Variants in ZNF789 observed in about 807,000 individuals in gnomAD.
The protein encoded by ZNF789 is zinc finger protein 789.
A neutral mutation model predicts 15.6 loss-of-function variants in ZNF789; 11 were observed. That is an observed-to-expected ratio of 0.70 (90% CI 0.44 to 1.16). The LOEUF (loss-of-function observed/expected upper bound fraction) is 1.16, where lower values mean the gene tolerates loss of function less well. Among genes scored for constraint, ZNF789 ranks in the 50% most tolerant of loss-of-function variants. The pLI, the probability that ZNF789 is intolerant of heterozygous loss-of-function variation, is 0.00. For synonymous variants in ZNF789, 159 were observed against 176.0 expected, an observed-to-expected ratio of 0.90 and a Z score of 0.76; for missense variants, 461 against 512.6, an observed-to-expected ratio of 0.90 and a Z score of 0.97.
intron 3 of ZNF789, chr7:99,481,946 T>C (rs1799654073): frequency 1.8e-6 from 1 of 559,086 alleles, no homozygotes; most frequent in African/African-American, 1.9e-5. Flanking sequence ...AGTCCGTCTA[T>C]GTGTCTATTA....
Position 99,476,494 on chromosome 7 carries a change from C to T in ZNF789, c.24+14C>T. ...GCCAGGGGGAAGGTGAGCTGTGCCT[C>T]CCCCTCTGCTTCATCAGCATAGTCA... On this transcript the variant is annotated intron_variant, in intron 2 of 4. Transcript: ENST00000331410. 3 of 1,611,134 alleles carry T rather than the reference C, an allele frequency of 1.9e-6. No homozygotes were observed. The highest frequency in any genetic ancestry group is 2.5e-6 in the Non-Finnish European group (3 of 1,179,048).
chr7:99,483,400 C>G (rs1056735089), intron 3 of ZNF789, among the ~76,000 whole-genome samples: 2 of 151,928 alleles, frequency 1.3e-5, no homozygotes. Context: ...GAGGCCAAGG[C>G]GGGTGGATCA....
chr7:99,484,644 AC>A (rs2151069934), intron 4 of ZNF789, among the ~76,000 whole-genome samples: 1 of 151,294 alleles, frequency 6.6e-6, no homozygotes, highest in East Asian at 2.0e-4. Context: ...TATATATCAC[AC>A]AGGCCTGGTA....
chr7:99,479,563 A>T, intron 2 of ZNF789, 98 bp from the exon 3 acceptor site: 1 of 1,433,312 alleles, frequency 7.0e-7, no homozygotes, highest in South Asian at 1.5e-5. Flanking sequence ...CTTGGCCCAC[A>T]CTCTACCTCC....
At chr7:99,484,193 G>C in intron 4 of ZNF789, 50 bp downstream of exon 4, 3 of 1,477,428 alleles carry the variant, frequency 2.0e-6, no homozygotes, top group Non-Finnish European at 1.9e-6. Context: ...AGGAAGGGAA[G>C]GCATGTTAGT....
chr7:99,485,542 TG>T (rs1464611837), intron 4 of ZNF789, among the ~76,000 whole-genome samples: 1 of 152,200 alleles, frequency 6.6e-6, no homozygotes. Flanking sequence ...ATTAAAAACG[TG>T]TATCTAGGCC....
intron 4 of ZNF789, 55 bp downstream of exon 4, chr7:99,484,198 G>A (rs1366577181): frequency 5.7e-6 from 8 of 1,408,534 alleles, no homozygotes; most frequent in Non-Finnish European, 8.0e-6. Context: ...GGGAAGGCAT[G>A]TTAGTGAAGC....
At position 99,487,388 on chromosome 7, in the gene ZNF789, G is replaced by T. The variant is rs770399614; in HGVS notation, c.1178G>T (p.Gly393Val). Residue 393 changes from glycine to valine, a missense_variant, in exon 5 of 5, where the codon GGA becomes GTA. Coordinates refer to ENST00000331410, the MANE Select transcript of ZNF789 (RefSeq NM_213603.3). ...NLFRHQVIHT[G>V]SQPYQCVICG... ...TTTCGACATCAGGTCATTCACACTG[G>T]AAGCCAACCCTACCAATGTGTCATA... is the stretch of plus-strand genomic sequence containing the variant. 1 of 1,614,208 alleles carries T rather than the reference G, an allele frequency of 6.2e-7. No individual in the cohort carries two copies. The highest frequency in any genetic ancestry group is 8.5e-7 in the Non-Finnish European group (1 of 1,180,042).
chr7:99,475,229 C>T (rs771271128), intron 1 of ZNF789, among the ~76,000 whole-genome samples: 4 of 151,934 alleles, frequency 2.6e-5, no homozygotes, highest in Non-Finnish European at 5.9e-5. Flanking sequence ...CCCATCTCAA[C>T]TAAAAATACA....
Position 99,487,456 on chromosome 7 carries a change from C to T in ZNF789, c.1246C>T (p.Gln416Ter), listed in dbSNP as rs751760322. 6.2e-6 allele frequency: 10 copies of T among 1,613,946 alleles called. No individual in the cohort carries two copies. The highest frequency in any genetic ancestry group is 6.8e-6 in the Non-Finnish European group (8 of 1,179,914). The change falls in exon 5 of 5, where the codon CAG becomes TAG. Residue 416 changes from glutamine (Q) to a stop codon, truncating the protein, a stop_gained. Transcript: ENST00000331410. LOFTEE classifies it low-confidence loss of function (END_TRUNC). Reference protein sequence around the residue: ...FKWHTSFIKHQGTHKGQIST With the variant: ...FKWHTSFIKH Reference sequence around the variant, plus strand: ...GTGGCACACAAGCTTTATTAAGCACCAGGGCACTCACAAAGGACAGATATC... The same window carrying T: ...GTGGCACACAAGCTTTATTAAGCACTAGGGCACTCACAAAGGACAGATATC...
In ZNF789 at chr7:99,487,532, C is replaced by CTCTA. The variant is rs763631484; in HGVS notation, c.*45_*48dup. ...CATTGGAGAACTAGAACTTATAAACCTCTACTTCAAGTGTGTATCACGTAA... is the reference window on the plus strand; with the variant it reads ...CATTGGAGAACTAGAACTTATAAACCTCTATCTACTTCAAGTGTGTATCACGTAA... On this transcript the variant is annotated 3_prime_UTR_variant, in exon 5 of 5. Coordinates refer to ENST00000331410, the MANE Select transcript of ZNF789 (RefSeq NM_213603.3). 4 of 1,561,108 alleles carry CTCTA rather than the reference C, an allele frequency of 2.6e-6. No homozygotes were observed. Among genetic ancestry groups the CTCTA allele is most frequent in the Non-Finnish European group, 3.5e-6 (4 of 1,153,870 alleles).
intron 2 of ZNF789, among the ~76,000 whole-genome samples, chr7:99,477,457 C>G (rs1295507711): frequency 6.6e-6 from 1 of 152,178 alleles, no homozygotes; most frequent in Non-Finnish European, 1.5e-5. Flanking sequence ...CCTCCCACCT[C>G]AGCCTCCCAA....
intron 1 of ZNF789, among the ~76,000 whole-genome samples, chr7:99,473,619 T>A (rs1354209457): frequency 1.3e-5 from 2 of 152,122 alleles, no homozygotes; most frequent in East Asian, 3.9e-4. Context: ...AAATAAGGAA[T>A]TGTTGTTGCT....
rs376044223 is a variant in ZNF789, at chr7:99,483,491, G to A, written c.152-539G>A. Among the ~76,000 whole-genome samples the A allele has an allele frequency of 5.9e-5, 9 of 152,102 alleles. No homozygotes were observed. In the South Asian group the frequency reaches 1.9e-3, roughly 32 times the overall value. On this transcript the variant is annotated intron_variant, in intron 3 of 4. Coordinates refer to ENST00000331410, the MANE Select transcript of ZNF789 (RefSeq NM_213603.3). ...ATAAAAATACAAAACTTAGCAAAGC[G>A]TGGGGGCGCTGTGCCTGTAGTTCCA...
chr7:99,476,569 GGA>G (rs1799345712), intron 2 of ZNF789, 89 bp downstream of exon 2: 4 of 1,544,418 alleles, frequency 2.6e-6, no homozygotes, highest in Non-Finnish European at 3.5e-6. Context: ...ATCAATGTGG[GGA>G]GTTTTCCTTC....
chr7:99,486,488 G>A lies in ZNF789; in HGVS notation c.278G>A (p.Arg93Lys). 6.2e-7 allele frequency: 1 copy of A among 1,610,972 alleles called. No homozygotes were observed. The highest frequency in any genetic ancestry group is 8.5e-7 in the Non-Finnish European group (1 of 1,178,524). ...SGSACPGSEA[R>K]HKMKKLTPKQ... ...GTTATTTGGCTAGGTTCTGAAGCCA[G>A]ACACAAGATGAAAAAGCTAACTCCA... Residue 93 changes from arginine to lysine, a missense_variant, in exon 5 of 5, where the codon AGA becomes AAA. By Grantham distance (26) the Arg-to-Lys change is conservative. Coordinates refer to ENST00000331410, the MANE Select transcript of ZNF789 (RefSeq NM_213603.3).
Position 99,484,109 on chromosome 7 carries a change from T to C in ZNF789, c.231T>C (p.Thr77=), listed in dbSNP as rs1460094951. The change falls in exon 4 of 5, where the codon ACT becomes ACC. Residue 77 remains threonine, a synonymous_variant. Transcript: ENST00000331410. The stretch of plus-strand genomic sequence containing the variant: ...AGTGGATCCTGGATCTACCGAGAAC[T>C]GGGAATAGGAAGGCTTCCGGTAGTG... ...DEQWILDLPR[T]GNRKASGSAC... is the part of the protein sequence containing the mutation. 2 of 1,613,278 alleles carry C rather than the reference T, an allele frequency of 1.2e-6. No individual in the cohort carries two copies. The highest frequency in any genetic ancestry group is 3.3e-5 in the Admixed American group (2 of 59,924).
intron 1 of ZNF789, among the ~76,000 whole-genome samples, chr7:99,474,019 G>A (rs1039038551): frequency 7.9e-5 from 12 of 152,324 alleles, no homozygotes; most frequent in Admixed American, 7.8e-4. Context: ...GAACTCAAGG[G>A]AGAAATCAAT....
In ZNF789 at chr7:99,487,489, T is replaced by C. The variant is rs1800034555; in HGVS notation, c.*1T>C. The C allele has an allele frequency of 2.5e-6, 4 of 1,604,370 alleles. No individual in the cohort carries two copies. In the African/African-American group the frequency reaches 5.4e-5, roughly 22 times the overall value. The stretch of plus-strand genomic sequence containing the variant: ...TCACAAAGGACAGATATCCACATGA[T>C]GTTAATTGGAAAGCAGTCATTGGAG... On this transcript the variant is annotated 3_prime_UTR_variant, in exon 5 of 5. Transcript: ENST00000331410.
Sources: allele counts gnomAD v4.1 joint callset (sites outside exome capture counted in the v4.1 genomes callset), GRCh38; gene constraint gnomAD v4.1.1; transcripts MANE v1.5; gene names NCBI Gene and HGNC (gene_info 2026-07-23, HGNC 2026-07-21).